FIZ1: variants seen among roughly 807,000 people sequenced by gnomAD.
The protein encoded by FIZ1 is FLT3 interacting zinc finger 1.
FIZ1 carries 2 observed loss-of-function variants against 5.3 expected under a neutral mutation model. The ratio of observed to expected loss-of-function variants is 0.37; its 90% CI spans 0.15 to 1.18. FIZ1 has a LOEUF of 1.18. FIZ1 is among the 50% of genes most tolerant of loss of function. The pLI is 0.37. For synonymous variants in FIZ1, 407 were observed against 364.2 expected (o/e 1.12, Z -1.34); for missense variants, 631 against 749.7 (o/e 0.84, Z 1.85).
At position 55,592,519 on chromosome 19, in the gene FIZ1, G is replaced by A; in HGVS notation, c.1422C>T (p.Ile474=). 1.2e-6 allele frequency: 2 copies of A among 1,604,288 alleles called. No individual in the cohort carries two copies. Among genetic ancestry groups the A allele is most frequent in the Non-Finnish European group, 1.7e-6 (2 of 1,175,804 alleles). The part of the protein sequence containing the change: ...HGTERPFPCH[I]CGKGFITLSN... ...TGAGCGTGATGAAGCCCTTGCCGCA[G>A]ATGTGGCAAGGGAAGGGCCGCTCGG... Residue 474 remains isoleucine, a synonymous_variant, in exon 3 of 3, where the codon ATC becomes ATT. Coordinates refer to ENST00000221665, the MANE Select transcript of FIZ1 (RefSeq NM_032836.3). The surrounding 1 kb of genome is among the most constrained non-coding windows in gnomAD (Gnocchi z 6.9).
Position 55,593,944 on chromosome 19 carries a change from C to T in FIZ1, c.295-298G>A, listed in dbSNP as rs1374632829. ...GCAACACAGGGAAACCTTGTCTCTA[C>T]AAATAATTTTAAAAACTAGCTGGAC... On this transcript the variant is annotated intron_variant, in intron 2 of 2. Coordinates refer to ENST00000221665, the MANE Select transcript of FIZ1 (RefSeq NM_032836.3). The surrounding 1 kb of genome is among the most constrained non-coding windows in gnomAD (Gnocchi z 6.3). 1.3e-5 allele frequency among the ~76,000 whole-genome samples: 2 copies of T among 151,944 alleles called. No individual in the cohort carries two copies. The highest frequency in any genetic ancestry group is 2.9e-5 in the Non-Finnish European group (2 of 68,006).
In FIZ1 at chr19:55,592,439, C is replaced by T; in HGVS notation, c.*11G>A. 1 of 1,542,836 alleles carries T rather than the reference C, an allele frequency of 6.5e-7. No homozygotes were observed. Among genetic ancestry groups the T allele is most frequent in the Non-Finnish European group, 8.8e-7 (1 of 1,141,304 alleles). ...GGCTGGGTGGAGGGCAGGGCGCACG[C>T]AGCCTGGCAGTCAGTCCATGCCCCG... On this transcript the variant is annotated 3_prime_UTR_variant, in exon 3 of 3. Coordinates refer to ENST00000221665, the MANE Select transcript of FIZ1 (RefSeq NM_032836.3). The surrounding 1 kb of genome is among the most constrained non-coding windows in gnomAD (Gnocchi z 6.9).
intron 2 of FIZ1, among the ~76,000 whole-genome samples, chr19:55,595,227 A>C (rs1366692651): frequency 6.6e-6 from 1 of 152,204 alleles, no homozygotes; most frequent in African/African-American, 2.4e-5. Flanking sequence ...AGGGGCACAG[A>C]TCTGAAGAAG....
intron 2 of FIZ1, among the ~76,000 whole-genome samples, chr19:55,594,341 G>A (rs1980209481): frequency 6.7e-6 from 1 of 148,328 alleles, no homozygotes; most frequent in Non-Finnish European, 1.5e-5. Flanking sequence ...GGAGGATGCA[G>A]TGAGCCAAAG....
At chr19:55,594,515 G>T (rs866321068) in intron 2 of FIZ1, among the ~76,000 whole-genome samples, 1 of 151,508 alleles carries the variant, frequency 6.6e-6, no homozygotes, top group African/African-American at 2.4e-5. Flanking sequence ...GGCTAACACG[G>T]TGAAACCCCG....
Position 55,593,461 on chromosome 19 carries a change from G to A in FIZ1, c.480C>T (p.Cys160=). 3 of 1,546,550 alleles carry A rather than the reference G, an allele frequency of 1.9e-6. No individual in the cohort carries two copies. Among genetic ancestry groups the A allele is most frequent in the Non-Finnish European group, 1.7e-6 (2 of 1,146,006 alleles). The change falls in exon 3 of 3, where the codon TGC becomes TGT. Residue 160 remains cysteine (C), a synonymous_variant. Coordinates refer to ENST00000221665, the MANE Select transcript of FIZ1 (RefSeq NM_032836.3). The surrounding 1 kb of genome is among the most constrained non-coding windows in gnomAD (Gnocchi z 6.3). ...PCSVCCNVGP[C]SVCGGSGAGG... Reference sequence around the variant, plus strand: ...CGGCCCCTGAGCCCCCGCACACCGAGCAGGGCCCCACATTGCAGCAGACGG... The same window carrying A: ...CGGCCCCTGAGCCCCCGCACACCGAACAGGGCCCCACATTGCAGCAGACGG...
In FIZ1 at chr19:55,593,164, T is replaced by C; in HGVS notation, c.777A>G (p.Pro259=). ...THDLQGPGAP[P]AQAWAAGPGA... ...CTGGCCCCGCGGCCCAGGCCTGCGCTGGGGGCGCGCCCGGGCCCTGCAGGT... is the reference window on the plus strand; with the variant it reads ...CTGGCCCCGCGGCCCAGGCCTGCGCCGGGGGCGCGCCCGGGCCCTGCAGGT... The change falls in exon 3 of 3, where the codon CCA becomes CCG. Residue 259 remains proline, a synonymous_variant. Coordinates refer to ENST00000221665, the MANE Select transcript of FIZ1 (RefSeq NM_032836.3). This position sits in a 1 kb window ranked among gnomAD's most constrained non-coding sequence, Gnocchi z 6.3. The C allele has an allele frequency of 8.6e-7, 1 of 1,163,380 alleles. No homozygotes were observed. The highest frequency in any genetic ancestry group is 1.1e-6 in the Non-Finnish European group (1 of 940,084). The allele number at this position is 1,163,380 out of a possible 1,614,324, so 72.1% of individuals were successfully genotyped here.
At chr19:55,594,003 G>C (rs1980189740) in intron 2 of FIZ1, among the ~76,000 whole-genome samples, 1 of 152,082 alleles carries the variant, frequency 6.6e-6, no homozygotes, top group African/African-American at 2.4e-5. Flanking sequence ...CTACCTGGGA[G>C]GCTGAGCCAA....
At position 55,593,248 on chromosome 19, in the gene FIZ1, C is replaced by T. The variant is rs1980132699; in HGVS notation, c.693G>A (p.Pro231=). 1.2e-5 allele frequency: 15 copies of T among 1,266,300 alleles called. No individual in the cohort carries two copies. The South Asian group carries it at 1.3e-4, about 11-fold the overall frequency. 78.4% of individuals were successfully genotyped at this position (1,266,300 alleles called of 1,614,324 possible). Residue 231 remains proline (P), a synonymous_variant, in exon 3 of 3, where the codon CCG becomes CCA. Coordinates refer to ENST00000221665, the MANE Select transcript of FIZ1 (RefSeq NM_032836.3). This position sits in a 1 kb window ranked among gnomAD's most constrained non-coding sequence, Gnocchi z 6.3. ...GCGCGTTGAAGTCGCGCTCGCAGCG[C>T]GGGCACTTGAAGGGCTTCACGTCGG... ...AHTDVKPFKC[P]RCERDFNAPA...
At position 55,592,398 on chromosome 19, in the gene FIZ1, C is replaced by A; in HGVS notation, c.*52G>T. 6.8e-7 allele frequency: 1 copy of A among 1,478,092 alleles called. No homozygotes were observed. The highest frequency in any genetic ancestry group is 1.3e-5 in the South Asian group (1 of 74,710). 91.6% of individuals were successfully genotyped at this position (1,478,092 alleles called of 1,614,324 possible). On this transcript the variant is annotated 3_prime_UTR_variant, in exon 3 of 3. Coordinates refer to ENST00000221665, the MANE Select transcript of FIZ1 (RefSeq NM_032836.3). The surrounding 1 kb of genome is among the most constrained non-coding windows in gnomAD (Gnocchi z 6.9). Reference sequence around the variant, plus strand: ...CGCGCAGTCCCGAGGTCCCCTGGTCCAGGCCGAGTCCAGGAGGCTGGGTGG... The same window carrying A: ...CGCGCAGTCCCGAGGTCCCCTGGTCAAGGCCGAGTCCAGGAGGCTGGGTGG...
rs759852286 is a variant in FIZ1, at chr19:55,593,294, G to A, written c.647C>T (p.Ala216Val). 2.4e-6 allele frequency: 3 copies of A among 1,256,150 alleles called. No individual in the cohort carries two copies. The highest frequency in any genetic ancestry group is 2.0e-6 in the Non-Finnish European group (2 of 993,434). 77.8% of individuals were successfully genotyped at this position (1,256,150 alleles called of 1,614,324 possible). A position where few individuals can be genotyped will look rare whatever the true frequency, so the allele number is the denominator to read the frequency against. Residue 216 changes from alanine (A) to valine (V), a missense_variant, in exon 3 of 3, where the codon GCG (alanine) becomes GTG (valine). Coordinates refer to ENST00000221665, the MANE Select transcript of FIZ1 (RefSeq NM_032836.3). The surrounding 1 kb of genome is among the most constrained non-coding windows in gnomAD (Gnocchi z 6.3). ...ARRFDHGRELAAHWAAHTDVK... is the reference protein window; with the variant it reads ...ARRFDHGRELVAHWAAHTDVK... ...GTCGGTGTGCGCCGCCCAGTGGGCC[G>A]CCAGCTCGCGGCCGTGGTCGAAGCG...
chr19:55,593,712 G>A lies in FIZ1; in HGVS notation c.295-66C>T. On this transcript the variant is annotated intron_variant, in intron 2 of 2. Transcript: ENST00000221665. The surrounding 1 kb of genome is among the most constrained non-coding windows in gnomAD (Gnocchi z 6.3). The stretch of plus-strand genomic sequence containing the variant: ...ACCTAGCCCGGACAACGGATTCCTG[G>A]ACTCCCAGAGGGTTGTGGCACAAGC... 1 of 1,420,810 alleles carries A rather than the reference G, an allele frequency of 7.0e-7. No homozygotes were observed. The highest frequency in any genetic ancestry group is 9.7e-7 in the Non-Finnish European group (1 of 1,031,990). 88.0% of individuals were successfully genotyped at this position (1,420,810 alleles called of 1,614,324 possible). A position where few individuals can be genotyped will look rare whatever the true frequency, so the allele number is the denominator to read the frequency against.
In FIZ1 at chr19:55,597,722, G is replaced by A. The variant is rs1336781427; in HGVS notation, c.144C>T (p.Leu48=). The A allele has an allele frequency of 3.1e-6, 5 of 1,614,052 alleles. No homozygotes were observed. The highest frequency in any genetic ancestry group is 4.2e-6 in the Non-Finnish European group (5 of 1,179,936). ...CGCAGCGCGGACATGCGTGGGGCTT[G>A]AGCGCTGTGTGCCGGGCAAAGTGGC... ...LRRHFARHTA[L]KPHACPRCGK... Residue 48 remains leucine (L), a synonymous_variant, in exon 2 of 3, where the codon CTC becomes CTT. Transcript: ENST00000221665.
At position 55,592,964 on chromosome 19, in the gene FIZ1, G is replaced by A. The variant is rs1421441629; in HGVS notation, c.977C>T (p.Ser326Leu). ...GTCGCACTGGTACAGGGTGTCTTCCGAGGGCTCGGCGGCCGCCGCAGGTGC... is the reference window on the plus strand; with the variant it reads ...GTCGCACTGGTACAGGGTGTCTTCCAAGGGCTCGGCGGCCGCCGCAGGTGC... ...APAPAAAAEPSEDTLYQCDCG... is the reference protein window; with the variant it reads ...APAPAAAAEPLEDTLYQCDCG... Residue 326 changes from serine (S) to leucine (L), a missense_variant, in exon 3 of 3, where the codon TCG becomes TTG. Around this residue, in one of 4 missense-constraint regions of FIZ1, gnomAD observed 463 missense variants for 455.1 expected, o/e 1.02. Transcript: ENST00000221665. This position sits in a 1 kb window ranked among gnomAD's most constrained non-coding sequence, Gnocchi z 6.9. The A allele has an allele frequency of 1.3e-6, 2 of 1,546,784 alleles. No homozygotes were observed. Among genetic ancestry groups the A allele is most frequent in the African/African-American group, 1.4e-5 (1 of 70,634 alleles).
chr19:55,592,582 G>C lies in FIZ1; in HGVS notation c.1359C>G (p.His453Gln). 1.2e-6 allele frequency: 2 copies of C among 1,613,168 alleles called. No individual in the cohort carries two copies. Among genetic ancestry groups the C allele is most frequent in the Non-Finnish European group, 1.7e-6 (2 of 1,179,666 alleles). The change falls in exon 3 of 3, where the codon CAC becomes CAG. Residue 453 changes from histidine (H) to glutamine (Q), a missense_variant. Physicochemically the swap from His to Gln is conservative, Grantham distance 24 (BLOSUM62 0). Around this residue, in one of 4 missense-constraint regions of FIZ1, gnomAD observed 61 missense variants for 96.9 expected, o/e 0.63. Transcript: ENST00000221665. The surrounding 1 kb of genome is among the most constrained non-coding windows in gnomAD (Gnocchi z 6.9). ...GCCGGTGGCGCTTGAGGTAGCACTC[G>C]TGGCGGAAGAACTTGCCGCACTCCA... is the stretch of plus-strand genomic sequence containing the variant. ...PCLECGKFFRHECYLKRHRLL... is the reference protein window; with the variant it reads ...PCLECGKFFRQECYLKRHRLL...
intron 1 of FIZ1, 151 bp downstream of exon 1, chr19:55,599,323 G>A (rs961644012): frequency 6.6e-6 from 1 of 152,518 alleles, no homozygotes; most frequent in Non-Finnish European, 1.5e-5. Context: ...CCCCTAAAAG[G>A]TGCAGCCCTG....
Position 55,597,821 on chromosome 19 carries a change from G to T in FIZ1, c.45C>A (p.Ala15=), listed in dbSNP as rs779412433. ...GAAACGGGACCCTGGGGGCGGCAGCGGCGGGCGGTGCTGGTGCAGGGGTTG... is the reference window on the plus strand; with the variant it reads ...GAAACGGGACCCTGGGGGCGGCAGCTGCGGGCGGTGCTGGTGCAGGGGTTG... ...PAPTPAPAPP[A]AAAPRVPFHC... Residue 15 remains alanine, a synonymous_variant, in exon 2 of 3, where the codon GCC becomes GCA. Coordinates refer to ENST00000221665, the MANE Select transcript of FIZ1 (RefSeq NM_032836.3). 6.2e-7 allele frequency: 1 copy of T among 1,611,886 alleles called. No individual in the cohort carries two copies. Among genetic ancestry groups the T allele is most frequent in the South Asian group, 1.1e-5 (1 of 90,880 alleles).
chr19:55,595,006 T>C (rs1980255035), intron 2 of FIZ1, among the ~76,000 whole-genome samples: 1 of 152,232 alleles, frequency 6.6e-6, no homozygotes, highest in South Asian at 2.1e-4. Flanking sequence ...TCCAGGAATC[T>C]GTATTTTTTT....
chr19:55,593,778 C>T lies in FIZ1; in HGVS notation c.295-132G>A, dbSNP rs1980178113. On this transcript the variant is annotated intron_variant, in intron 2 of 2. Transcript: ENST00000221665. This position sits in a 1 kb window ranked among gnomAD's most constrained non-coding sequence, Gnocchi z 6.3. ...CAGGGCCATGATCTAGGGAAACGCT[C>T]GTCCTATCACTCTCTGTTTGGGGTC... 3 of 786,910 alleles carry T rather than the reference C, an allele frequency of 3.8e-6. No individual in the cohort carries two copies. The South Asian group carries it at 5.1e-5, about 13-fold the overall frequency. The allele number at this position is 786,910 out of a possible 1,614,324, so 48.7% of individuals were successfully genotyped here.
Sources: allele counts gnomAD v4.1 joint callset (sites outside exome capture counted in the v4.1 genomes callset), GRCh38; gene constraint gnomAD v4.1.1; regional missense constraint gnomAD v4.1.1; non-coding constraint Gnocchi (gnomAD v3.1); transcripts MANE v1.5; gene names NCBI Gene and HGNC (gene_info 2026-07-23, HGNC 2026-07-21).